The following PARVA variants were observed in gnomAD, a reference collection of about 807,000 sequenced individuals.
The protein encoded by PARVA is parvin alpha.
A neutral mutation model predicts 52.6 loss-of-function variants in PARVA; 25 were observed. The observed-to-expected ratio is 0.48, with a 90% CI of 0.35 to 0.66. PARVA has a LOEUF of 0.66. PARVA is among the 30% of genes least tolerant of loss of function. PARVA has a pLI of 0.01. For missense variants in PARVA, 373 were observed against 450.9 expected (o/e 0.83, Z 1.56); for synonymous variants, 185 against 179.1 (o/e 1.03, Z -0.26).
rs185802933 is a variant in PARVA, at chr11:12,534,843, G to A, written c.*6918G>A. Among the ~76,000 whole-genome samples the A allele has an allele frequency of 1.8e-4, 28 of 152,326 alleles. No individual in the cohort carries two copies. Among genetic ancestry groups the A allele is most frequent in the Admixed American group, 1.4e-3 (21 of 15,302 alleles). On this transcript the variant is annotated 3_prime_UTR_variant, in exon 13 of 13. Transcript: ENST00000334956. ...GCCTGCCCTTGGCAAATATATGTTG[G>A]TGTATCTGAAAAACAGCTCCTGGAA... is the stretch of plus-strand genomic sequence containing the variant.
At chr11:12,518,376 C>A in intron 11 of PARVA, 69 bp from the exon 12 acceptor site, 1 of 1,209,878 alleles carries the variant, frequency 8.3e-7, no homozygotes, top group Non-Finnish European at 1.2e-6. Context: ...GGCTCCTTCA[C>A]TTCCCAGGGC....
chr11:12,484,728 A>G (rs1371714445), intron 4 of PARVA, among the ~76,000 whole-genome samples: 2 of 151,954 alleles, frequency 1.3e-5, no homozygotes, highest in Non-Finnish European at 2.9e-5. Context: ...CTGGTAGTAT[A>G]CAGGTCTGTA....
Position 12,531,536 on chromosome 11 carries a change from C to G in PARVA, c.*3611C>G, listed in dbSNP as rs1465353886. Among the ~76,000 whole-genome samples the G allele has an allele frequency of 6.6e-6, 1 of 152,070 alleles. No homozygotes were observed. ...AATCCACTCCCCACAAATTATCACT[C>G]ATTTATTTTTCCACTGGAAAATAAG... On this transcript the variant is annotated 3_prime_UTR_variant, in exon 13 of 13. Transcript: ENST00000334956.
chr11:12,466,043 G>A (rs141625846), intron 1 of PARVA, among the ~76,000 whole-genome samples: 1,726 of 152,272 alleles, frequency 0.011, 27 homozygotes, highest in African/African-American at 0.035. Flanking sequence ...AGCCATTCTA[G>A]TTGATGTCTA....
At chr11:12,381,274 C>A (rs575344375) in intron 1 of PARVA, among the ~76,000 whole-genome samples, 1 of 152,298 alleles carries the variant, frequency 6.6e-6, no homozygotes, top group Non-Finnish European at 1.5e-5. Flanking sequence ...TGCTCTGCAT[C>A]CTGGATAAGC....
intron 4 of PARVA, among the ~76,000 whole-genome samples, chr11:12,483,825 T>TTCATGACA (rs941218107): frequency 6.6e-6 from 1 of 152,192 alleles, no homozygotes; most frequent in Non-Finnish European, 1.5e-5. Flanking sequence ...GGCCTGCCTC[T>TTCATGACA]TCATGACATA....
chr11:12,412,454 A>G (rs1329790071), intron 1 of PARVA, among the ~76,000 whole-genome samples: 1 of 152,158 alleles, frequency 6.6e-6, no homozygotes, highest in Admixed American at 6.5e-5. Flanking sequence ...AGGTGTGAGT[A>G]TGGAAAGGAC....
At chr11:12,455,023 A>ATATT (rs1442456556) in intron 1 of PARVA, among the ~76,000 whole-genome samples, 1 of 152,192 alleles carries the variant, frequency 6.6e-6, no homozygotes, top group South Asian at 2.1e-4. Context: ...GTCATAAAAT[A>ATATT]TATTTATTAA....
In PARVA at chr11:12,440,378, C is replaced by T. The variant is rs952732446; in HGVS notation, c.137-33367C>T. Among the ~76,000 whole-genome samples the T allele has an allele frequency of 1.9e-4, 29 of 152,134 alleles. 1 individual carries two copies. Among genetic ancestry groups the T allele is most frequent in the Non-Finnish European group, 1.3e-4 (9 of 68,026 alleles). ...CCAGGTGGCCGGTGGAGAGGTTTTGCTTCCTTGGGACTTCTCTCCTTCCCA... is the reference window on the plus strand; with the variant it reads ...CCAGGTGGCCGGTGGAGAGGTTTTGTTTCCTTGGGACTTCTCTCCTTCCCA... On this transcript the variant is annotated intron_variant, in intron 1 of 12. Coordinates refer to ENST00000334956, the MANE Select transcript of PARVA (RefSeq NM_018222.5).
intron 7 of PARVA, among the ~76,000 whole-genome samples, chr11:12,510,867 C>G (rs1941495383): frequency 6.6e-6 from 1 of 152,160 alleles, no homozygotes; most frequent in Non-Finnish European, 1.5e-5. Flanking sequence ...GGGACACAGC[C>G]AAACCATATC....
intron 1 of PARVA, among the ~76,000 whole-genome samples, chr11:12,450,156 G>T: frequency 6.6e-6 from 1 of 152,198 alleles, no homozygotes; most frequent in East Asian, 1.9e-4. Flanking sequence ...TCTGGTAACA[G>T]CTGAAGCTAC....
At chr11:12,476,285 G>T (rs866257546) in intron 3 of PARVA, among the ~76,000 whole-genome samples, 39 of 152,134 alleles carry the variant, frequency 2.6e-4, no homozygotes, top group African/African-American at 8.7e-4. Flanking sequence ...GATCTAGGCT[G>T]CTTTGACCAC....
chr11:12,395,060 C>T (rs1939719093), intron 1 of PARVA, among the ~76,000 whole-genome samples: 1 of 148,466 alleles, frequency 6.7e-6, no homozygotes, highest in African/African-American at 2.5e-5. Flanking sequence ...CATTGCACTC[C>T]AGCCTGGGCA....
intron 4 of PARVA, among the ~76,000 whole-genome samples, chr11:12,484,571 C>A (rs1941133667): frequency 6.7e-6 from 1 of 149,702 alleles, no homozygotes; most frequent in Admixed American, 6.7e-5. Flanking sequence ...CCCTGATAGA[C>A]CCTAAAGAGT....
chr11:12,393,957 G>T (rs61875437), intron 1 of PARVA, among the ~76,000 whole-genome samples: 33,691 of 151,998 alleles, frequency 0.22, 4,594 homozygotes, highest in African/African-American at 0.38. Context: ...TAACTATTAT[G>T]TGGTTGCCTG....
chr11:12,394,567 G>A (rs1284537806), intron 1 of PARVA, among the ~76,000 whole-genome samples: 1 of 152,190 alleles, frequency 6.6e-6, no homozygotes, highest in African/African-American at 2.4e-5. Context: ...TAGGGGTCAA[G>A]GTAAAGATGG....
At chr11:12,527,784 G>A (rs1208659986) in intron 12 of PARVA, 65 bp from the exon 13 acceptor site, 3 of 1,234,116 alleles carry the variant, frequency 2.4e-6, no homozygotes, top group Non-Finnish European at 3.6e-6. Flanking sequence ...GGGAGGGGCA[G>A]TGTATGCCAG....
At chr11:12,395,141 G>A (rs533367797) in intron 1 of PARVA, among the ~76,000 whole-genome samples, 2 of 151,586 alleles carry the variant, frequency 1.3e-5, no homozygotes, top group African/African-American at 4.8e-5. Flanking sequence ...TTTTTACATG[G>A]GTTTTGCATC....
At chr11:12,398,346 G>C (rs1460201566) in intron 1 of PARVA, 1 of 151,748 alleles carries the variant, frequency 6.6e-6, no homozygotes, top group East Asian at 2.0e-4. Context: ...CTGCATGACA[G>C]GGACCAGGTG....
Sources: gnomAD v4.1 joint callset for allele counts (sites outside exome capture counted in the v4.1 genomes callset) on GRCh38, gnomAD v4.1.1 for gene constraint, MANE v1.5 for transcripts, NCBI Gene and HGNC (gene_info 2026-07-23, HGNC 2026-07-21) for gene names.